The following RIMS1 variants were observed in gnomAD, a reference collection of about 807,000 sequenced individuals.
The protein encoded by RIMS1 is regulating synaptic membrane exocytosis protein 1.
A neutral mutation model predicts 214.1 loss-of-function variants in RIMS1; 83 were observed. The ratio of observed to expected loss-of-function variants is 0.39; its 90% confidence interval spans 0.32 to 0.47. The LOEUF (loss-of-function observed/expected upper bound fraction) is 0.47. Among genes scored for constraint, RIMS1 ranks in the 20% least tolerant of loss-of-function variants. The pLI is 0.99. For synonymous variants in RIMS1, 793 were observed against 786.8 expected, an observed-to-expected ratio of 1.01 and a Z score of -0.13; for missense variants, 2,050 against 2,161.8, an observed-to-expected ratio of 0.95 and a Z score of 1.03.
At chr6:72,049,050 C>T (rs979632092) in intron 2 of RIMS1, among the ~76,000 whole-genome samples, 1 of 152,130 alleles carries the variant, frequency 6.6e-6, no homozygotes, top group African/African-American at 2.4e-5. Context: ...AAAAGCAGGA[C>T]CACCAGGGGC....
chr6:72,167,496 C>G (rs1228841144), intron 4 of RIMS1, among the ~76,000 whole-genome samples: 1 of 152,042 alleles, frequency 6.6e-6, no homozygotes, highest in Non-Finnish European at 1.5e-5. Flanking sequence ...AAATAGTAAA[C>G]TTCAAGTAAG....
chr6:71,992,053 A>G (rs935229685), intron 2 of RIMS1, among the ~76,000 whole-genome samples: 2 of 152,206 alleles, frequency 1.3e-5, no homozygotes, highest in African/African-American at 4.8e-5. Flanking sequence ...AACAAGAGTG[A>G]AACTCCGTCT....
intron 1 of RIMS1, 130 bp from the exon 2 acceptor site, chr6:71,968,853 C>A: frequency 1.1e-6 from 1 of 901,534 alleles, no homozygotes; most frequent in Non-Finnish European, 1.7e-6. Flanking sequence ...GCTGGGGCCC[C>A]AAGGTTAATG....
intron 26 of RIMS1, among the ~76,000 whole-genome samples, chr6:72,298,241 G>A (rs1368101687): frequency 6.6e-6 from 1 of 151,976 alleles, no homozygotes; most frequent in East Asian, 1.9e-4. Flanking sequence ...ACTAATGGTA[G>A]ATAGGCTATA....
chr6:72,398,241 A>G lies in RIMS1; in HGVS notation c.4619-8A>G. 1 of 1,572,514 alleles carries G rather than the reference A, an allele frequency of 6.4e-7. No homozygotes were observed. The highest frequency in any genetic ancestry group is 1.1e-5 in the South Asian group (1 of 87,426). ...GCTGAAACACATCTTGCTCCTTTCCATTTGCAGGTGATATACAAATAGGAA... is the reference window on the plus strand; with the variant it reads ...GCTGAAACACATCTTGCTCCTTTCCGTTTGCAGGTGATATACAAATAGGAA... On this transcript the variant is annotated splice_polypyrimidine_tract_variant and splice_region_variant and intron_variant, in intron 31 of 33. Coordinates refer to ENST00000521978, the MANE Select transcript of RIMS1 (RefSeq NM_014989.7).
intron 1 of RIMS1, among the ~76,000 whole-genome samples, chr6:71,946,601 C>T (rs1222851890): frequency 8.6e-5 from 13 of 152,038 alleles, no homozygotes; most frequent in Admixed American, 2.6e-4. Context: ...GAAATTAAAC[C>T]CTCATTTCAC....
chr6:72,233,750 T>C, intron 6 of RIMS1, 23 bp from the exon 7 acceptor site: 2 of 1,529,848 alleles, frequency 1.3e-6, no homozygotes, highest in Non-Finnish European at 1.8e-6. Flanking sequence ...CATTACACTT[T>C]TCATTCTTTT....
chr6:71,928,207 C>T (rs1179392324), intron 1 of RIMS1, among the ~76,000 whole-genome samples: 1 of 152,088 alleles, frequency 6.6e-6, no homozygotes, highest in Non-Finnish European at 1.5e-5. Context: ...TTTGTATACA[C>T]ATATAGGTAC....
At chr6:71,951,885 G>A (rs903007192) in intron 1 of RIMS1, among the ~76,000 whole-genome samples, 2 of 152,000 alleles carry the variant, frequency 1.3e-5, no homozygotes, top group Admixed American at 1.3e-4. Flanking sequence ...TTGCCCTGTT[G>A]CCCTACCACA....
chr6:71,972,101 G>C (rs1408237220), intron 2 of RIMS1, among the ~76,000 whole-genome samples: 1 of 152,144 alleles, frequency 6.6e-6, no homozygotes, highest in Non-Finnish European at 1.5e-5. Context: ...TAAGGAATGA[G>C]TAAAGTATGA....
intron 2 of RIMS1, among the ~76,000 whole-genome samples, chr6:71,988,425 A>G (rs966314907): frequency 3.3e-5 from 5 of 152,026 alleles, no homozygotes; most frequent in African/African-American, 9.7e-5. Flanking sequence ...AAAATCCGAA[A>G]TTCTTTACTT....
intron 2 of RIMS1, among the ~76,000 whole-genome samples, chr6:72,071,246 A>C (rs866562718): frequency 5.3e-5 from 8 of 152,082 alleles, no homozygotes; most frequent in Admixed American, 3.9e-4. Context: ...AAAAAAATTT[A>C]ACAAATTAAC....
intron 1 of RIMS1, among the ~76,000 whole-genome samples, chr6:71,938,478 C>T (rs1260087585): frequency 6.6e-6 from 1 of 152,242 alleles, no homozygotes; most frequent in Non-Finnish European, 1.5e-5. Context: ...GCCTACACAA[C>T]TGTTGCATTC....
At chr6:72,325,661 T>TGCATAA (rs1478419734) in intron 28 of RIMS1, among the ~76,000 whole-genome samples, 1 of 151,822 alleles carries the variant, frequency 6.6e-6, no homozygotes, top group Non-Finnish European at 1.5e-5. Context: ...TAACAAAATG[T>TGCATAA]GCATAAGCCC....
At chr6:71,903,767 T>C (rs1294489573) in intron 1 of RIMS1, among the ~76,000 whole-genome samples, 1 of 151,960 alleles carries the variant, frequency 6.6e-6, no homozygotes, top group Non-Finnish European at 1.5e-5. Flanking sequence ...TGTGTTTTTT[T>C]TTTCCCTACA....
At chr6:71,980,376 A>T (rs1564607) in intron 2 of RIMS1, among the ~76,000 whole-genome samples, 61,295 of 152,070 alleles carry the variant, frequency 0.4, 12,694 homozygotes, top group East Asian at 0.54. Context: ...CATGTATTAT[A>T]TGTATAACAA....
chr6:72,132,896 A>G (rs2040668531), intron 4 of RIMS1, among the ~76,000 whole-genome samples: 1 of 152,222 alleles, frequency 6.6e-6, no homozygotes, highest in African/African-American at 2.4e-5. Context: ...ATATTTATTG[A>G]GCACATAATA....
intron 4 of RIMS1, among the ~76,000 whole-genome samples, chr6:72,118,275 T>C (rs1338306216): frequency 1.3e-5 from 2 of 151,114 alleles, no homozygotes; most frequent in African/African-American, 4.8e-5. Context: ...TATCTGCCAT[T>C]ATAGGAGGTT....
At chr6:72,266,470 A>T (rs1430651191) in intron 22 of RIMS1, among the ~76,000 whole-genome samples, 1 of 152,152 alleles carries the variant, frequency 6.6e-6, no homozygotes, top group East Asian at 1.9e-4. Context: ...ACAATCTTCT[A>T]TAAACTCATA....
Sources: allele counts gnomAD v4.1 joint callset (sites outside exome capture counted in the v4.1 genomes callset), GRCh38; gene constraint gnomAD v4.1.1; transcripts MANE v1.5; gene names NCBI Gene and HGNC (gene_info 2026-07-23, HGNC 2026-07-21).